Variants in CAMK2D observed in about 807,000 individuals in gnomAD.
CAMK2D encodes calcium/calmodulin dependent protein kinase II delta.
A neutral mutation model predicts 84.0 loss-of-function variants in CAMK2D; 37 were observed. That is an observed-to-expected ratio of 0.44 (90% CI 0.34 to 0.58). CAMK2D has a LOEUF of 0.58. Among genes scored for constraint, CAMK2D ranks in the 20% least tolerant of loss-of-function variants. CAMK2D has a pLI of 0.02. For missense variants in CAMK2D, 448 were observed against 652.5 expected (o/e 0.69, Z 3.41); for synonymous variants, 202 against 212.5 (o/e 0.95, Z 0.43).
At chr4:113,685,063 G>A (rs1561822455) in intron 2 of CAMK2D, among the ~76,000 whole-genome samples, 1 of 152,084 alleles carries the variant, frequency 6.6e-6, no homozygotes, top group African/African-American at 2.4e-5. Context: ...AAGGCACCTG[G>A]AGAGAGTAAA....
chr4:113,751,754 A>G (rs2149069168), intron 2 of CAMK2D, among the ~76,000 whole-genome samples: 1 of 152,334 alleles, frequency 6.6e-6, no homozygotes, highest in South Asian at 2.1e-4. Flanking sequence ...TGGGCGACAG[A>G]GCGAGACTCT....
intron 6 of CAMK2D, among the ~76,000 whole-genome samples, chr4:113,538,485 AC>A (rs2098508470): frequency 6.6e-6 from 1 of 152,146 alleles, no homozygotes; most frequent in African/African-American, 2.4e-5. Flanking sequence ...TGGGGACAAA[AC>A]CCAGCAAATT....
At chr4:113,503,791 A>C (rs2098089142) in intron 14 of CAMK2D, among the ~76,000 whole-genome samples, 1 of 152,178 alleles carries the variant, frequency 6.6e-6, no homozygotes, top group Non-Finnish European at 1.5e-5. Context: ...TCCCAAGTGG[A>C]GAATAACATT....
chr4:113,674,130 A>G (rs181858812), intron 2 of CAMK2D, among the ~76,000 whole-genome samples: 4 of 152,298 alleles, frequency 2.6e-5, no homozygotes, highest in African/African-American at 9.6e-5. Flanking sequence ...AGGAAGAACA[A>G]TCTAGGTAGA....
chr4:113,761,069 C>A lies in CAMK2D; in HGVS notation c.-1G>T. On this transcript the variant is annotated 5_prime_UTR_variant, in exon 1 of 21. Coordinates refer to ENST00000511664, the MANE Select transcript of CAMK2D (RefSeq NM_001321571.2). ...TGGTGCAGGTTGTGGTCGAAGCCAT[C>A]CTCGGTCCGGGCTGTGCCCTGGCTG... The A allele has an allele frequency of 6.2e-7, 1 of 1,614,126 alleles. No homozygotes were observed. Among genetic ancestry groups the A allele is most frequent in the Non-Finnish European group, 8.5e-7 (1 of 1,180,022 alleles).
intron 8 of CAMK2D, among the ~76,000 whole-genome samples, chr4:113,524,175 T>A (rs1388950667): frequency 6.6e-6 from 1 of 152,206 alleles, no homozygotes; most frequent in Non-Finnish European, 1.5e-5. Context: ...TCCAGCCAGA[T>A]GCACAATTTT....
At chr4:113,536,499 A>C (rs956052142) in intron 7 of CAMK2D, among the ~76,000 whole-genome samples, 54 of 152,360 alleles carry the variant, frequency 3.5e-4, no homozygotes, top group African/African-American at 1.3e-3. Context: ...TGTTGCTCAG[A>C]GGAAAATAAA....
intron 16 of CAMK2D, among the ~76,000 whole-genome samples, chr4:113,493,930 C>T (rs1195641254): frequency 2.0e-5 from 3 of 152,284 alleles, no homozygotes; most frequent in South Asian, 2.1e-4. Flanking sequence ...TCCAGTTGAT[C>T]GCATCGGCTC....
At chr4:113,609,687 T>C (rs543974551) in intron 3 of CAMK2D, among the ~76,000 whole-genome samples, 1 of 152,250 alleles carries the variant, frequency 6.6e-6, no homozygotes, top group East Asian at 1.9e-4. Context: ...TGATTCCAAG[T>C]CTAGGAAATG....
chr4:113,670,609 C>T (rs1478572138), intron 2 of CAMK2D, among the ~76,000 whole-genome samples: 1 of 152,032 alleles, frequency 6.6e-6, no homozygotes, highest in African/African-American at 2.4e-5. Context: ...GAGAAATTTG[C>T]TGCACAATTC....
chr4:113,508,392 G>T, intron 13 of CAMK2D: 1 of 688,816 alleles, frequency 1.5e-6, no homozygotes, highest in South Asian at 1.7e-5. Flanking sequence ...TGAATGGAAG[G>T]AAAAAGTTCT....
At chr4:113,504,580 G>A (rs1215442259) in intron 14 of CAMK2D, among the ~76,000 whole-genome samples, 1 of 152,132 alleles carries the variant, frequency 6.6e-6, no homozygotes, top group Non-Finnish European at 1.5e-5. Flanking sequence ...TCTCCTTGAT[G>A]TAAGCATTTG....
At chr4:113,623,129 A>T (rs956058899) in intron 3 of CAMK2D, among the ~76,000 whole-genome samples, 8 of 152,126 alleles carry the variant, frequency 5.3e-5, no homozygotes, top group African/African-American at 1.9e-4. Context: ...CAAAGGTTAT[A>T]CCCTTGTTGC....
chr4:113,512,441 G>C (rs1375248010), intron 12 of CAMK2D, among the ~76,000 whole-genome samples: 1 of 152,200 alleles, frequency 6.6e-6, no homozygotes, highest in Non-Finnish European at 1.5e-5. Flanking sequence ...ATAGTACTGA[G>C]TGCAAGGTGC....
intron 18 of CAMK2D, 93 bp downstream of exon 18, chr4:113,460,052 ACT>A: frequency 2.7e-6 from 2 of 753,236 alleles, no homozygotes; most frequent in South Asian, 3.0e-5. Context: ...GAAGGTAAAA[ACT>A]CTCATTGTAG....
intron 3 of CAMK2D, among the ~76,000 whole-genome samples, chr4:113,632,024 G>A (rs1167102433): frequency 6.6e-6 from 1 of 152,174 alleles, no homozygotes; most frequent in Non-Finnish European, 1.5e-5. Flanking sequence ...ATAGGCATAT[G>A]TATTTATGAT....
chr4:113,705,322 A>C (rs1051354547), intron 2 of CAMK2D, among the ~76,000 whole-genome samples: 8 of 126,304 alleles, frequency 6.3e-5, no homozygotes, highest in African/African-American at 3.0e-4. Context: ...GTGAGACTCC[A>C]TCTCAAAAAA....
At chr4:113,467,769 G>A (rs1302687381) in intron 16 of CAMK2D, among the ~76,000 whole-genome samples, 1 of 152,120 alleles carries the variant, frequency 6.6e-6, no homozygotes, top group Non-Finnish European at 1.5e-5. Flanking sequence ...ATTCAGTTAG[G>A]CAATAGGTGA....
chr4:113,677,587 G>C (rs1372812567), intron 2 of CAMK2D: 2 of 970,792 alleles, frequency 2.1e-6, no homozygotes, highest in Non-Finnish European at 2.4e-6. Flanking sequence ...CCTTCTCTAA[G>C]AGTCAAGCGA....
Sources: gnomAD v4.1 joint callset for allele counts (sites outside exome capture counted in the v4.1 genomes callset) on GRCh38, gnomAD v4.1.1 for gene constraint, MANE v1.5 for transcripts, NCBI Gene and HGNC (gene_info 2026-07-23, HGNC 2026-07-21) for gene names.